Variants in DLGAP2 observed in about 807,000 individuals in gnomAD.
The protein encoded by DLGAP2 is DLG associated protein 2.
DLGAP2 carries 26 observed loss-of-function variants against 100.3 expected under a neutral mutation model. The observed-to-expected ratio is 0.26, with a 90% CI of 0.19 to 0.36. DLGAP2 has a LOEUF of 0.36. Ranked by LOEUF, DLGAP2 falls within the 10% of genes least tolerant of loss-of-function variation. DLGAP2 has a pLI of 1.00. For synonymous variants in DLGAP2, 886 were observed against 630.1 expected, an observed-to-expected ratio of 1.41 and a Z score of -6.08; for missense variants, 1,858 against 1,453.2, an observed-to-expected ratio of 1.28 and a Z score of -4.53.
At chr8:1,286,219 C>T (rs961503292) in intron 3 of DLGAP2, among the ~76,000 whole-genome samples, 3 of 152,184 alleles carry the variant, frequency 2.0e-5, no homozygotes, top group Admixed American at 6.5e-5. Flanking sequence ...CATTCTCTCT[C>T]CTGCCGCCCT....
chr8:1,286,575 TC>T (rs1030747588), intron 3 of DLGAP2, among the ~76,000 whole-genome samples: 1 of 152,112 alleles, frequency 6.6e-6, no homozygotes, highest in Non-Finnish European at 1.5e-5. Context: ...GTGAGAGCTT[TC>T]CCCTCTCCAT....
intron 1 of DLGAP2, among the ~76,000 whole-genome samples, chr8:769,144 A>T (rs1821292072): frequency 1.3e-5 from 2 of 152,114 alleles, no homozygotes; most frequent in South Asian, 4.1e-4. Flanking sequence ...AGAGAAAGAA[A>T]ATCAGCTCAG....
intron 2 of DLGAP2, among the ~76,000 whole-genome samples, chr8:1,180,763 TAC>T (rs746140589): frequency 1.1e-3 from 172 of 150,746 alleles, no homozygotes; most frequent in South Asian, 2.5e-3. Context: ...GCCAGGGCAG[TAC>T]AGTTACTGTC....
At chr8:1,001,589 G>A (rs987447069) in intron 2 of DLGAP2, among the ~76,000 whole-genome samples, 27 of 152,142 alleles carry the variant, frequency 1.8e-4, no homozygotes, top group African/African-American at 6.3e-4. Flanking sequence ...GGAAAAAACC[G>A]AATTGCTCTT....
intron 3 of DLGAP2, among the ~76,000 whole-genome samples, chr8:1,377,686 G>A (rs537711618): frequency 2.0e-5 from 3 of 152,330 alleles, no homozygotes; most frequent in South Asian, 4.1e-4. Flanking sequence ...CAGCGTGGGG[G>A]TCAGTGGATC....
intron 4 of DLGAP2, among the ~76,000 whole-genome samples, chr8:1,503,766 G>A (rs560918204): frequency 6.6e-6 from 1 of 152,280 alleles, no homozygotes; most frequent in South Asian, 2.1e-4. Flanking sequence ...GCCATTGTAA[G>A]AATGAGAAGG....
rs77429420 is a variant in DLGAP2, at chr8:999,412, T to C, written c.73+91446T>C. 7.6e-3 allele frequency among the ~76,000 whole-genome samples: 1,151 copies of C among 152,214 alleles called. 8 individuals are homozygous for C. Among genetic ancestry groups the C allele is most frequent in the Non-Finnish European group, 0.012 (817 of 68,016 alleles). Reference sequence around the variant, plus strand: ...GAATCTTCTATGTCAAGAATTTTCCTGTGCTTTGTATTTTGTTTTGATAGT... The same window carrying C: ...GAATCTTCTATGTCAAGAATTTTCCCGTGCTTTGTATTTTGTTTTGATAGT... On this transcript the variant is annotated intron_variant, in intron 2 of 14. Coordinates refer to ENST00000637795, the MANE Select transcript of DLGAP2 (RefSeq NM_001346810.2).
intron 3 of DLGAP2, among the ~76,000 whole-genome samples, chr8:1,298,798 A>G (rs548131871): frequency 6.6e-6 from 1 of 152,328 alleles, no homozygotes; most frequent in Non-Finnish European, 1.5e-5. Flanking sequence ...TCGTCTTGAG[A>G]GGCAATATAA....
chr8:1,033,712 C>G (rs1350941443), intron 2 of DLGAP2, among the ~76,000 whole-genome samples: 1 of 150,824 alleles, frequency 6.6e-6, no homozygotes, highest in Admixed American at 6.6e-5. Context: ...CACGCTCATC[C>G]CGACCCCGCG....
At chr8:1,256,242 G>T (rs148003951) in intron 2 of DLGAP2, among the ~76,000 whole-genome samples, 2,617 of 132,026 alleles carry the variant, frequency 0.02, 19 homozygotes, top group African/African-American at 0.07. Flanking sequence ...CTGCCCGGGT[G>T]CTGTGTGTGT....
chr8:1,423,678 T>G (rs1797163684), intron 3 of DLGAP2, among the ~76,000 whole-genome samples: 1 of 152,214 alleles, frequency 6.6e-6, no homozygotes. Context: ...GTTGAGAGCC[T>G]GGCATGTGTA....
chr8:1,227,310 G>C (rs532066520), intron 2 of DLGAP2, among the ~76,000 whole-genome samples: 6 of 148,962 alleles, frequency 4.0e-5, no homozygotes, highest in African/African-American at 1.3e-4. Flanking sequence ...TCTCCTTTTC[G>C]ATCATTGTTG....
chr8:1,144,929 A>AACCGCAGACGGCCTGTACCCACAGTCAG (rs1194377208), intron 2 of DLGAP2, among the ~76,000 whole-genome samples: 2 of 151,560 alleles, frequency 1.3e-5, no homozygotes, highest in Admixed American at 6.6e-5. Context: ...CCCACAGTCA[A>AACCGCAGACGGCCTGTACCCACAGTCAG]ACCGCAGACG....
At chr8:1,240,642 C>T (rs1281448535) in intron 2 of DLGAP2, among the ~76,000 whole-genome samples, 1 of 150,514 alleles carries the variant, frequency 6.6e-6, no homozygotes, top group Non-Finnish European at 1.5e-5. Context: ...ACGTCTAGTT[C>T]TCTCTCACAC....
chr8:955,419 T>TCCTCCCC (rs1223440372), intron 2 of DLGAP2, among the ~76,000 whole-genome samples: 2 of 152,022 alleles, frequency 1.3e-5, no homozygotes, highest in Non-Finnish European at 2.9e-5. Flanking sequence ...TCCTCCTCCC[T>TCCTCCCC]CCTCCCCACT....
chr8:1,158,031 A>G (rs1239427371), intron 2 of DLGAP2, among the ~76,000 whole-genome samples: 2 of 152,224 alleles, frequency 1.3e-5, no homozygotes, highest in African/African-American at 2.4e-5. Context: ...TGGTTAAATC[A>G]TGGCCCACCC....
chr8:866,895 C>T (rs1326771989), intron 1 of DLGAP2, among the ~76,000 whole-genome samples: 1 of 152,164 alleles, frequency 6.6e-6, no homozygotes, highest in East Asian at 1.9e-4. Flanking sequence ...GTCGCCCCAA[C>T]ATGCCACGTT....
Position 888,510 on chromosome 8 carries a change from T to C in DLGAP2, c.19-19402T>C, listed in dbSNP as rs141597438. On this transcript the variant is annotated intron_variant, in intron 1 of 14. Transcript: ENST00000637795. ...ATTGATTCTTTCTCATCTTTGTGAG[T>C]TTGTCTAATTTTGGTCTTTGAGGCT... is the stretch of plus-strand genomic sequence containing the variant. Among the ~76,000 whole-genome samples the C allele has an allele frequency of 4.2e-3, 636 of 152,240 alleles. 2 individuals carry two copies. Among genetic ancestry groups the C allele is most frequent in the African/African-American group, 0.014 (586 of 41,520 alleles).
chr8:1,094,498 G>A (rs1379711634), intron 2 of DLGAP2, among the ~76,000 whole-genome samples: 1 of 152,184 alleles, frequency 6.6e-6, no homozygotes, highest in Non-Finnish European at 1.5e-5. Context: ...GGCTTCAAGT[G>A]CTTTTCTCTG....
Sources: gnomAD v4.1 joint callset for allele counts (sites outside exome capture counted in the v4.1 genomes callset) on GRCh38, gnomAD v4.1.1 for gene constraint, MANE v1.5 for transcripts, NCBI Gene and HGNC (gene_info 2026-07-23, HGNC 2026-07-21) for gene names.